ATP11B: variants seen among roughly 807,000 people sequenced by gnomAD.
ATP11B encodes phospholipid-transporting ATPase IF.
A neutral mutation model predicts 157.8 loss-of-function variants in ATP11B; 81 were observed. The observed-to-expected ratio is 0.51, with a 90% CI of 0.43 to 0.62. The LOEUF (loss-of-function observed/expected upper bound fraction) is 0.62, where lower values mean the gene tolerates loss of function less well. ATP11B is among the 20% of genes least tolerant of loss of function. The pLI is 0.00. For missense variants in ATP11B, 1,165 were observed against 1,402.2 expected, an observed-to-expected ratio of 0.83 and a Z score of 2.70; for synonymous variants, 451 against 469.4, an observed-to-expected ratio of 0.96 and a Z score of 0.51.
intron 9 of ATP11B, among the ~76,000 whole-genome samples, chr3:182,846,992 A>G (rs565754087): frequency 8.9e-4 from 135 of 152,320 alleles, no homozygotes; most frequent in African/African-American, 3.2e-3. Flanking sequence ...CTAATAGCAG[A>G]AACCAGAGTA....
chr3:182,808,252 T>G (rs1445675733), intron 1 of ATP11B, among the ~76,000 whole-genome samples: 1 of 152,196 alleles, frequency 6.6e-6, no homozygotes, highest in East Asian at 1.9e-4. Context: ...ACCTGATTGT[T>G]TACTATGGAG....
intron 29 of ATP11B, chr3:182,916,214 C>A (rs1725132315): frequency 1.0e-6 from 1 of 985,052 alleles, no homozygotes; most frequent in South Asian, 4.7e-5. Context: ...TGGGCATTTC[C>A]ATTGTGACTT....
rs369166412 is a variant in ATP11B, at chr3:182,857,959, G to A, written c.933G>A (p.Trp311Ter). 6.2e-7 allele frequency: 1 copy of A among 1,610,074 alleles called. No individual in the cohort carries two copies. The highest frequency in any genetic ancestry group is 8.5e-7 in the Non-Finnish European group (1 of 1,176,794). Residue 311 changes from tryptophan (W) to a stop codon, truncating the protein, a stop_gained, in exon 11 of 30, where the codon TGG becomes TGA. Transcript: ENST00000323116. LOFTEE classifies it high-confidence loss of function. ...AVISTILKYT[W>*]QAEEKWDEPW... ...TCAGCACTATCTTGAAGTATACATG[G>A]CAAGCTGAAGAAAAATGGGATGAAC...
intron 22 of ATP11B, 98 bp from the exon 23 acceptor site, chr3:182,885,853 A>T (rs1457127466): frequency 4.2e-6 from 3 of 716,088 alleles, no homozygotes; most frequent in Non-Finnish European, 6.6e-6. Context: ...ACCAACTGAG[A>T]TTGTTTTTGG....
At chr3:182,810,830 C>A (rs1334669162) in intron 1 of ATP11B, among the ~76,000 whole-genome samples, 1 of 152,176 alleles carries the variant, frequency 6.6e-6, no homozygotes, top group Admixed American at 6.5e-5. Flanking sequence ...GTATAACTTA[C>A]ATTTTAACAT....
chr3:182,914,871 C>A (rs1373432167), intron 29 of ATP11B: 3 of 985,120 alleles, frequency 3.0e-6, no homozygotes, highest in South Asian at 4.7e-5. Flanking sequence ...GTGAATGATA[C>A]CATATTCTCA....
intron 1 of ATP11B, among the ~76,000 whole-genome samples, chr3:182,799,559 G>A (rs190857893): frequency 1.8e-3 from 270 of 152,202 alleles, no homozygotes; most frequent in African/African-American, 6.4e-3. Context: ...ACAGGCGTCA[G>A]CCACCATGCC....
chr3:182,910,292 A>T (rs1041993805), intron 28 of ATP11B, among the ~76,000 whole-genome samples: 1 of 151,598 alleles, frequency 6.6e-6, no homozygotes, highest in African/African-American at 2.4e-5. Context: ...AAAGCAAAGG[A>T]TGGCCAGGCT....
At chr3:182,879,699 C>T (rs1553814684) in intron 20 of ATP11B, 50 bp downstream of exon 20, 2 of 1,496,560 alleles carry the variant, frequency 1.3e-6, no homozygotes, top group Admixed American at 2.2e-5. Context: ...TAGATATAAA[C>T]ATATTATTTA....
chr3:182,870,893 A>C (rs1721609318), intron 17 of ATP11B, among the ~76,000 whole-genome samples: 1 of 150,366 alleles, frequency 6.7e-6, no homozygotes, highest in Admixed American at 6.7e-5. Context: ...GCACCACTGC[A>C]CTCCAGCCTG....
intron 12 of ATP11B, among the ~76,000 whole-genome samples, chr3:182,865,216 C>G (rs9851296): frequency 6.6e-6 from 1 of 152,122 alleles, no homozygotes; most frequent in Non-Finnish European, 1.5e-5. Flanking sequence ...TAAACATGTA[C>G]GTAAAGATGC....
chr3:182,885,796 C>T (rs1245331676), intron 22 of ATP11B, among the ~76,000 whole-genome samples, 155 bp from the exon 23 acceptor site: 2 of 152,056 alleles, frequency 1.3e-5, no homozygotes, highest in African/African-American at 2.4e-5. Flanking sequence ...AATGGGAATC[C>T]TGCATTCCTG....
At chr3:182,842,545 G>A (rs1416193345) in intron 8 of ATP11B, among the ~76,000 whole-genome samples, 1 of 152,070 alleles carries the variant, frequency 6.6e-6, no homozygotes, top group East Asian at 1.9e-4. Flanking sequence ...GAAGCTTCAT[G>A]ACATCAGCTT....
At chr3:182,867,670 A>C (rs957953686) in intron 15 of ATP11B, among the ~76,000 whole-genome samples, 2 of 134,682 alleles carry the variant, frequency 1.5e-5, no homozygotes, top group Non-Finnish European at 3.1e-5. Flanking sequence ...TGCAGCCTCC[A>C]CCTCCCAGGT....
At chr3:182,888,287 A>G (rs953655205) in intron 24 of ATP11B, among the ~76,000 whole-genome samples, 1 of 152,206 alleles carries the variant, frequency 6.6e-6, no homozygotes, top group African/African-American at 2.4e-5. Flanking sequence ...GGATTAATTT[A>G]CTTCAATTCC....
At chr3:182,891,671 CT>C (rs1723185903) in intron 25 of ATP11B, among the ~76,000 whole-genome samples, 1 of 152,004 alleles carries the variant, frequency 6.6e-6, no homozygotes, top group Non-Finnish European at 1.5e-5. Flanking sequence ...AAGATAAAAC[CT>C]TGAAGGATAA....
At chr3:182,878,962 A>C (rs1722236935) in intron 19 of ATP11B, among the ~76,000 whole-genome samples, 1 of 152,170 alleles carries the variant, frequency 6.6e-6, no homozygotes, top group Non-Finnish European at 1.5e-5. Flanking sequence ...CTGTATCTAT[A>C]TATCAGTTCA....
intron 12 of ATP11B, among the ~76,000 whole-genome samples, chr3:182,862,039 A>T (rs889926863): frequency 6.6e-6 from 1 of 152,114 alleles, no homozygotes; most frequent in Non-Finnish European, 1.5e-5. Flanking sequence ...TGAGCCCAGG[A>T]GTTCAAGACC....
chr3:182,908,882 T>C (rs750086632), intron 28 of ATP11B, among the ~76,000 whole-genome samples: 1 of 152,262 alleles, frequency 6.6e-6, no homozygotes, highest in Non-Finnish European at 1.5e-5. Context: ...TTTTCATTTT[T>C]GTTTTTAAAA....
Sources: gnomAD v4.1 joint callset for allele counts (sites outside exome capture counted in the v4.1 genomes callset) on GRCh38, gnomAD v4.1.1 for gene constraint, MANE v1.5 for transcripts, NCBI Gene and HGNC (gene_info 2026-07-23, HGNC 2026-07-21) for gene names.